UBR3: variants seen among roughly 807,000 people sequenced by gnomAD.
The protein encoded by UBR3 is E3 ubiquitin-protein ligase UBR3.
Under a neutral mutation model 243.2 loss-of-function variants are expected in UBR3, and 85 were observed. That is an observed-to-expected ratio of 0.35 (90% confidence interval 0.29 to 0.42). UBR3 has a LOEUF of 0.42. Ranked by LOEUF, UBR3 falls within the 10% of genes least tolerant of loss-of-function variation. The pLI is 1.00. For synonymous variants in UBR3, 748 were observed against 799.8 expected (o/e 0.94, Z 1.09); for missense variants, 1,686 against 2,300.8 (o/e 0.73, Z 5.47).
intron 21 of UBR3, among the ~76,000 whole-genome samples, chr2:169,946,887 A>G (rs1010277794): frequency 6.6e-6 from 1 of 152,108 alleles, no homozygotes; most frequent in Non-Finnish European, 1.5e-5. Flanking sequence ...TGGCATGAAT[A>G]TTGTTATATG....
At position 169,896,523 on chromosome 2, in the gene UBR3, CTT is replaced by C. The variant is rs2084601730; in HGVS notation, c.1256_1257del (p.Phe419CysfsTer16). On this transcript the variant is annotated frameshift_variant, in exon 8 of 39. Coordinates refer to ENST00000272793, the MANE Select transcript of UBR3 (RefSeq NM_172070.4). LOFTEE classifies it high-confidence loss of function. ...TGTTTACAGGTTGCTTTTACAAAAACTTTTGTTCAGCATTATGCTTTCATTAT... is the reference window on the plus strand; with the variant it reads ...TGTTTACAGGTTGCTTTTACAAAAACTTGTTCAGCATTATGCTTTCATTAT... 6.6e-7 allele frequency: 1 copy of C among 1,524,640 alleles called. No homozygotes were observed. Among genetic ancestry groups the C allele is most frequent in the Non-Finnish European group, 8.8e-7 (1 of 1,131,512 alleles). The allele number at this position is 1,524,640 out of a possible 1,614,324, so 94.4% of individuals were successfully genotyped here.
chr2:169,977,273 AT>A (rs1333342855), intron 24 of UBR3, among the ~76,000 whole-genome samples: 1 of 152,136 alleles, frequency 6.6e-6, no homozygotes, highest in African/African-American at 2.4e-5. Flanking sequence ...TTCAAAATCT[AT>A]ATTAGGTTTT....
At chr2:169,998,263 C>T (rs752432284) in intron 26 of UBR3, among the ~76,000 whole-genome samples, 83 of 152,046 alleles carry the variant, frequency 5.5e-4, no homozygotes, top group Non-Finnish European at 7.6e-4. Context: ...AGGGAAGAGA[C>T]GATCTAATAA....
At chr2:170,072,999 G>A (rs748261340) in intron 35 of UBR3, among the ~76,000 whole-genome samples, 1 of 151,920 alleles carries the variant, frequency 6.6e-6, no homozygotes, top group Non-Finnish European at 1.5e-5. Context: ...CAAAGTCTAG[G>A]CACATTATTT....
In UBR3 at chr2:170,055,446, T is replaced by G; in HGVS notation, c.4661-14T>G. The G allele has an allele frequency of 6.2e-7, 1 of 1,606,836 alleles. No individual in the cohort carries two copies. Among genetic ancestry groups the G allele is most frequent in the Non-Finnish European group, 8.5e-7 (1 of 1,177,624 alleles). On this transcript the variant is annotated splice_polypyrimidine_tract_variant and intron_variant, in intron 32 of 38. Transcript: ENST00000272793. ...CTAGATTCCAAAGAAATAATGATTT[T>G]TTTTCTCTTGCAGACCACTTTACCT...
intron 19 of UBR3, among the ~76,000 whole-genome samples, chr2:169,936,790 C>G (rs146367211): frequency 2.0e-5 from 3 of 152,024 alleles, no homozygotes; most frequent in Non-Finnish European, 4.4e-5. Context: ...TCTGTCCTTG[C>G]GACAGTTTGG....
chr2:169,952,213 T>C (rs993527476), intron 23 of UBR3, among the ~76,000 whole-genome samples: 6 of 152,092 alleles, frequency 3.9e-5, no homozygotes, highest in Non-Finnish European at 8.8e-5. Flanking sequence ...CAAAGGTGAC[T>C]GACGAAGGGA....
intron 24 of UBR3, among the ~76,000 whole-genome samples, chr2:169,969,889 A>G (rs1031564426): frequency 2.0e-5 from 3 of 148,164 alleles, no homozygotes; most frequent in Non-Finnish European, 4.5e-5. Context: ...ATTTTGATTA[A>G]TATAGCTTTG....
At chr2:170,046,824 A>G (rs1360650022) in intron 32 of UBR3, among the ~76,000 whole-genome samples, 1 of 151,750 alleles carries the variant, frequency 6.6e-6, no homozygotes. Context: ...TTTTTTTAGC[A>G]TTCTCCAAAG....
intron 27 of UBR3, among the ~76,000 whole-genome samples, chr2:170,002,909 A>G (rs1290817150): frequency 6.6e-6 from 1 of 152,132 alleles, no homozygotes; most frequent in Non-Finnish European, 1.5e-5. Flanking sequence ...GATGGAGTGC[A>G]GTGGCTCGAT....
chr2:170,017,573 A>G (rs2090282536), intron 30 of UBR3, among the ~76,000 whole-genome samples: 1 of 136,540 alleles, frequency 7.3e-6, no homozygotes, highest in African/African-American at 3.0e-5. Context: ...ACACACACAC[A>G]CACACACACA....
At chr2:170,080,315 A>G (rs1412681177) in intron 37 of UBR3, 1 of 581,912 alleles carries the variant, frequency 1.7e-6, no homozygotes, top group East Asian at 3.0e-5. Flanking sequence ...TGTTGAAGAT[A>G]CTAGACTCTG....
At chr2:169,931,282 C>T (rs1434493637) in intron 18 of UBR3, among the ~76,000 whole-genome samples, 1 of 131,882 alleles carries the variant, frequency 7.6e-6, no homozygotes, top group Non-Finnish European at 1.5e-5. Flanking sequence ...ACCTGGGAGG[C>T]GGAGCTTGCA....
rs1170098061 is a variant in UBR3 at position 170,007,197 on chromosome 2, A to G, written c.4230+7A>G. 3 of 1,583,586 alleles carry G rather than the reference A, an allele frequency of 1.9e-6. No individual in the cohort carries two copies. Among genetic ancestry groups the G allele is most frequent in the African/African-American group, 1.4e-5 (1 of 74,050 alleles). ...ACGACCGGGAGCTTTCCCAGTAAGC[A>G]TCAGTGTAAGGCATAAATATCCTGG... is the stretch of plus-strand genomic sequence containing the variant. On this transcript the variant is annotated splice_region_variant and intron_variant, in intron 28 of 38. Transcript: ENST00000272793.
chr2:169,886,522 T>C (rs1559059406), intron 5 of UBR3, among the ~76,000 whole-genome samples: 1 of 152,234 alleles, frequency 6.6e-6, no homozygotes, highest in Non-Finnish European at 1.5e-5. Context: ...GATGACACTT[T>C]TAAATATTTA....
chr2:169,946,721 G>A (rs73015798), intron 21 of UBR3, among the ~76,000 whole-genome samples: 6,626 of 152,010 alleles, frequency 0.044, 166 homozygotes, highest in Middle Eastern at 0.068. Context: ...TGCATTTTTG[G>A]TGTTATGCTA....
rs570016733 is a variant in UBR3 at position 170,082,014 on chromosome 2, A to AT, written c.*183dup. 10,778 of 342,578 alleles carry AT rather than the reference A, an allele frequency of 0.031. 2 individuals carry two copies. The highest frequency in any genetic ancestry group is 0.04 in the East Asian group (833 of 20,934). 21.2% of individuals were successfully genotyped at this position (342,578 alleles called of 1,614,324 possible). A position where few individuals can be genotyped will look rare whatever the true frequency, so the allele number is the denominator to read the frequency against. ...GCTTGGTAATCACGTTAATGGTATA[A>AT]TTTTTTTTTTTTAATATCTGGAGAA... is the stretch of plus-strand genomic sequence containing the variant. On this transcript the variant is annotated 3_prime_UTR_variant, in exon 39 of 39. Coordinates refer to ENST00000272793, the MANE Select transcript of UBR3 (RefSeq NM_172070.4).
At chr2:169,951,492 T>C (rs191187537) in intron 23 of UBR3, among the ~76,000 whole-genome samples, 1 of 152,290 alleles carries the variant, frequency 6.6e-6, no homozygotes, top group East Asian at 1.9e-4. Flanking sequence ...GACAGACTGG[T>C]AAACAGATAG....
intron 11 of UBR3, among the ~76,000 whole-genome samples, chr2:169,917,903 A>C (rs914410871): frequency 2.0e-5 from 3 of 152,146 alleles, no homozygotes; most frequent in African/African-American, 7.2e-5. Context: ...GGGTTTCACC[A>C]TGTCAGCCAG....
Sources: gnomAD v4.1 joint callset for allele counts (sites outside exome capture counted in the v4.1 genomes callset) on GRCh38, gnomAD v4.1.1 for gene constraint, MANE v1.5 for transcripts, NCBI Gene and HGNC (gene_info 2026-07-23, HGNC 2026-07-21) for gene names.